Variants in SIRPB2 observed in about 807,000 individuals in gnomAD.
The protein encoded by SIRPB2 is signal-regulatory protein beta-2.
SIRPB2 carries 18 observed loss-of-function variants against 27.1 expected under a neutral mutation model. The ratio of observed to expected loss-of-function variants is 0.66; its 90% CI spans 0.46 to 0.98. The LOEUF (loss-of-function observed/expected upper bound fraction) is 0.98. Ranked by LOEUF, SIRPB2 falls within the 50% of genes least tolerant of loss-of-function variation. SIRPB2 has a pLI of 0.00. For missense variants in SIRPB2, 420 were observed against 417.4 expected (o/e 1.01, Z -0.06); for synonymous variants, 150 against 164.6 (o/e 0.91, Z 0.68).
chr20:1,489,592 T>C (rs1600028436), intron 1 of SIRPB2, among the ~76,000 whole-genome samples: 1 of 152,274 alleles, frequency 6.6e-6, no homozygotes, highest in East Asian at 1.9e-4. Context: ...GTGTTGTCAC[T>C]TGGGCTTTAG....
At chr20:1,490,805 G>A (rs1009462948) in intron 1 of SIRPB2, among the ~76,000 whole-genome samples, 11 of 152,158 alleles carry the variant, frequency 7.2e-5, no homozygotes, top group Admixed American at 7.2e-4. Context: ...CTTAGAAGGA[G>A]CCCATGCTTG....
At chr20:1,486,674 A>G (rs1003550256) in intron 1 of SIRPB2, among the ~76,000 whole-genome samples, 7 of 152,192 alleles carry the variant, frequency 4.6e-5, no homozygotes, top group African/African-American at 7.2e-5. Flanking sequence ...AAATCAATCA[A>G]TGTAATTTAC....
At chr20:1,477,792 C>T (rs973730363) in intron 3 of SIRPB2, among the ~76,000 whole-genome samples, 37 of 152,218 alleles carry the variant, frequency 2.4e-4, no homozygotes, top group African/African-American at 4.3e-4. Flanking sequence ...TCTCCTGCCT[C>T]AGCCTTCCAA....
chr20:1,489,896 A>G (rs1413277567), intron 1 of SIRPB2, among the ~76,000 whole-genome samples: 6 of 152,160 alleles, frequency 3.9e-5, no homozygotes, highest in African/African-American at 1.2e-4. Flanking sequence ...AAAACTATTG[A>G]GCAACACAGC....
Position 1,476,314 on chromosome 20 carries a change from A to C in SIRPB2, c.882T>G (p.Pro294=). The part of the protein sequence containing the change: ...SPTGLLVVFA[P]VVLGLKAITL... ...TAATTGCCTTCAGCCCCAGGACCACAGGTGCGAACACAACCAGGAGGCCTG... is the reference window on the plus strand; with the variant it reads ...TAATTGCCTTCAGCCCCAGGACCACCGGTGCGAACACAACCAGGAGGCCTG... Residue 294 remains proline, a synonymous_variant, in exon 5 of 5, where the codon CCT becomes CCG. Coordinates refer to ENST00000359801, the MANE Select transcript of SIRPB2 (RefSeq NM_001122962.2). 1 of 1,613,000 alleles carries C rather than the reference A, an allele frequency of 6.2e-7. No homozygotes were observed.
At position 1,475,628 on chromosome 20, in the gene SIRPB2, T is replaced by C. The variant is rs529820097; in HGVS notation, c.*539A>G. 297 of 153,230 alleles carry C rather than the reference T, an allele frequency of 1.9e-3. No individual in the cohort carries two copies. Among genetic ancestry groups the C allele is most frequent in the Non-Finnish European group, 3.8e-3 (258 of 68,724 alleles). 9.5% of individuals were successfully genotyped at this position (153,230 alleles called of 1,614,324 possible). A position where few individuals can be genotyped will look rare whatever the true frequency, so the allele number is the denominator to read the frequency against. ...CAACTTTCTGGTTGATTTCCACTGGTTTAAGCCACTGTTATTTAAGAGCTT... is the reference window on the plus strand; with the variant it reads ...CAACTTTCTGGTTGATTTCCACTGGCTTAAGCCACTGTTATTTAAGAGCTT... On this transcript the variant is annotated 3_prime_UTR_variant, in exon 5 of 5. Coordinates refer to ENST00000359801, the MANE Select transcript of SIRPB2 (RefSeq NM_001122962.2).
rs569839637 is a variant in SIRPB2, at chr20:1,477,217, A to G, written c.859+121T>C. 7 of 1,612,258 alleles carry G rather than the reference A, an allele frequency of 4.3e-6. No individual in the cohort carries two copies. The East Asian group carries it at 1.1e-4, about 26-fold the overall frequency. The stretch of plus-strand genomic sequence containing the variant: ...TCTGCAGTTGAGATGAAGTCCTGGG[A>G]GCATTCTTGGTGGCAGGTTAGCCCC... On this transcript the variant is annotated intron_variant, in intron 4 of 4. Transcript: ENST00000359801.
intron 4 of SIRPB2, chr20:1,476,552 TCA>T: frequency 5.3e-6 from 2 of 376,094 alleles, no homozygotes; most frequent in Non-Finnish European, 7.3e-6. Context: ...TGTAATCATC[TCA>T]GTCACATCCC....
rs532016145 is a variant in SIRPB2, at chr20:1,489,576, C to T, written c.85+1699G>A. On this transcript the variant is annotated intron_variant, in intron 1 of 4. Coordinates refer to ENST00000359801, the MANE Select transcript of SIRPB2 (RefSeq NM_001122962.2). Reference sequence around the variant, plus strand: ...TCCCTCCCTCTCCCCTTCTGAGTCCCCTTCTGTGTTGTCACTTGGGCTTTA... The same window carrying T: ...TCCCTCCCTCTCCCCTTCTGAGTCCTCTTCTGTGTTGTCACTTGGGCTTTA... Among the ~76,000 whole-genome samples the T allele has an allele frequency of 7.9e-5, 12 of 152,268 alleles. No individual in the cohort carries two copies. In the South Asian group the frequency reaches 2.5e-3, roughly 32 times the overall value.
intron 3 of SIRPB2, chr20:1,478,048 A>G: frequency 1.5e-6 from 1 of 677,770 alleles, no homozygotes; most frequent in South Asian, 1.5e-5. Context: ...ACTCTGCTTG[A>G]GAGGAGGAGA....
At chr20:1,490,442 A>G (rs2090766844) in intron 1 of SIRPB2, among the ~76,000 whole-genome samples, 1 of 151,994 alleles carries the variant, frequency 6.6e-6, no homozygotes, top group Non-Finnish European at 1.5e-5. Context: ...CCTGCCTGGT[A>G]GATCAGAGAG....
downstream of SIRPB2, chr20:1,470,826 C>T (rs1283727227): frequency 6.6e-6 from 1 of 152,192 alleles, no homozygotes; most frequent in African/African-American, 2.4e-5. Flanking sequence ...AGGGGGACCA[C>T]CTAAAACATG....
chr20:1,490,667 G>A (rs13433171), intron 1 of SIRPB2, among the ~76,000 whole-genome samples: 22,843 of 151,924 alleles, frequency 0.15, 3,308 homozygotes, highest in African/African-American at 0.38. Flanking sequence ...TTTTACAGTT[G>A]GAAAAACTGA....
At chr20:1,490,774 G>A (rs6042578) in intron 1 of SIRPB2, among the ~76,000 whole-genome samples, 25,670 of 152,110 alleles carry the variant, frequency 0.17, 4,456 homozygotes, top group African/African-American at 0.44. Flanking sequence ...TGCCATCTAT[G>A]TAGTCGCACA....
downstream of SIRPB2, chr20:1,472,636 GC>G (rs1475590149): frequency 6.6e-6 from 1 of 152,142 alleles, no homozygotes; most frequent in African/African-American, 2.4e-5. Flanking sequence ...ATGCATTTTA[GC>G]CTCAAAACTA....
chr20:1,485,808 C>T (rs999137365), intron 1 of SIRPB2, among the ~76,000 whole-genome samples: 3 of 151,926 alleles, frequency 2.0e-5, no homozygotes, highest in African/African-American at 7.3e-5. Flanking sequence ...GGTGATACTA[C>T]TACAGATTTT....
chr20:1,478,583 AGGTCTGGTTCAG>A lies in SIRPB2; in HGVS notation c.464_475del (p.Pro155_Asp158del), dbSNP rs752538864. 54 of 1,596,508 alleles carry A rather than the reference AGGTCTGGTTCAG, an allele frequency of 3.4e-5. No individual in the cohort carries two copies. The South Asian group carries it at 5.7e-4, about 17-fold the overall frequency. ...CAATTCCTGGGGCTGGATGATCCAC[AGGTCTGGTTCAG>A]GGTCCCCAGCTCCTGAAGCCAAAGA... On this transcript the variant is annotated inframe_deletion, in exon 3 of 5. Coordinates refer to ENST00000359801, the MANE Select transcript of SIRPB2 (RefSeq NM_001122962.2).
At chr20:1,480,263 T>C (rs1200094598) in intron 1 of SIRPB2, 198 bp from the exon 2 acceptor site, 1 of 651,164 alleles carries the variant, frequency 1.5e-6, no homozygotes, top group Non-Finnish European at 2.5e-6. Context: ...ATGGCAAACC[T>C]ACAAACAATA....
At chr20:1,472,824 C>T (rs1487074878), downstream of SIRPB2, 3 of 152,148 alleles carry the variant, frequency 2.0e-5, no homozygotes, top group Non-Finnish European at 2.9e-5. Context: ...GGGTCTAATA[C>T]AGGCCAGGCA....
Sources: allele counts gnomAD v4.1 joint callset (sites outside exome capture counted in the v4.1 genomes callset), GRCh38; gene constraint gnomAD v4.1.1; transcripts MANE v1.5; gene names NCBI Gene and HGNC (gene_info 2026-07-23, HGNC 2026-07-21).